Variants in ARNT2 observed in about 807,000 individuals in gnomAD.
ARNT2 encodes ARNT protein 2.
In ARNT2, 36 loss-of-function variants were observed where a neutral mutation model predicts 91.7. The ratio of observed to expected loss-of-function variants is 0.39; its 90% CI spans 0.30 to 0.52. The LOEUF (loss-of-function observed/expected upper bound fraction) is 0.52. Among genes scored for constraint, ARNT2 ranks in the 20% least tolerant of loss-of-function variants. The pLI is 0.72. For missense variants in ARNT2, 775 were observed against 939.3 expected (o/e 0.83, Z 2.29); for synonymous variants, 365 against 347.1 (o/e 1.05, Z -0.57).
At chr15:80,525,780 G>A (rs1897630667) in intron 8 of ARNT2, among the ~76,000 whole-genome samples, 1 of 152,182 alleles carries the variant, frequency 6.6e-6, no homozygotes, top group South Asian at 2.1e-4. Flanking sequence ...TAGAATTAGA[G>A]CATTGAAGCA....
intron 5 of ARNT2, among the ~76,000 whole-genome samples, chr15:80,500,940 T>C (rs527563900): frequency 4.1e-4 from 62 of 152,362 alleles, no homozygotes; most frequent in African/African-American, 1.4e-3. Flanking sequence ...GTTATGCTTT[T>C]CAACTGTCTT....
intron 15 of ARNT2, 34 bp from the exon 16 acceptor site, chr15:80,580,377 G>A (rs200622367): frequency 1.4e-5 from 22 of 1,613,056 alleles, no homozygotes; most frequent in Non-Finnish European, 1.7e-5. Flanking sequence ...AACCAGGTGT[G>A]TCCTCGGGAT....
intron 8 of ARNT2, among the ~76,000 whole-genome samples, chr15:80,527,083 G>A (rs7162181): frequency 0.5 from 75,897 of 151,982 alleles, 20,387 homozygotes; most frequent in African/African-American, 0.7. Flanking sequence ...GAGATGGAGA[G>A]TGATGATTGG....
intron 5 of ARNT2, among the ~76,000 whole-genome samples, chr15:80,479,905 C>A (rs988356551): frequency 6.6e-6 from 1 of 152,034 alleles, no homozygotes; most frequent in Non-Finnish European, 1.5e-5. Context: ...AGAGAAGATT[C>A]CCTCTTGGAG....
intron 11 of ARNT2, among the ~76,000 whole-genome samples, chr15:80,558,332 GCTT>G (rs1369784227): frequency 7.5e-6 from 1 of 133,548 alleles, no homozygotes; most frequent in African/African-American, 2.9e-5. Flanking sequence ...TTACGTCTGT[GCTT>G]TTTTTTTTTT....
chr15:80,480,064 C>T (rs528878622), intron 5 of ARNT2, among the ~76,000 whole-genome samples: 8 of 152,192 alleles, frequency 5.3e-5, no homozygotes, highest in African/African-American at 1.4e-4. Flanking sequence ...GCCTTTTCCT[C>T]TCACCAGGAA....
chr15:80,575,084 C>T lies in ARNT2; in HGVS notation c.1487C>T (p.Ala496Val). 1.2e-6 allele frequency: 2 copies of T among 1,614,176 alleles called. No individual in the cohort carries two copies. Among genetic ancestry groups the T allele is most frequent in the Non-Finnish European group, 8.5e-7 (1 of 1,180,026 alleles). The change falls in exon 14 of 19, where the codon GCT (alanine) becomes GTT (valine). Residue 496 changes from alanine (A) to valine (V), a missense_variant. Coordinates refer to ENST00000303329, the MANE Select transcript of ARNT2 (RefSeq NM_014862.4). ...IFSQERDPRF[A>V]EMFAGISASE... ...TCCCAGGAAAGAGATCCTCGGTTTG[C>T]TGAAATGTTTGCAGGAATTAGTGCA...
At chr15:80,462,481 A>C (rs1044319666) in intron 3 of ARNT2, among the ~76,000 whole-genome samples, 1 of 152,248 alleles carries the variant, frequency 6.6e-6, no homozygotes, top group African/African-American at 2.4e-5. Flanking sequence ...ACAAGCATGC[A>C]GTCCTCAAAC....
intron 8 of ARNT2, among the ~76,000 whole-genome samples, chr15:80,534,903 CT>C (rs1397421748): frequency 6.6e-6 from 1 of 152,196 alleles, no homozygotes; most frequent in Non-Finnish European, 1.5e-5. Flanking sequence ...CCTACTGTAC[CT>C]GAACCCAGGT....
chr15:80,568,815 T>C, intron 12 of ARNT2, among the ~76,000 whole-genome samples: 1 of 152,240 alleles, frequency 6.6e-6, no homozygotes, highest in East Asian at 1.9e-4. Context: ...CTTGCCTCAG[T>C]TGAGGCCTTT....
chr15:80,419,929 A>G (rs1895838029), intron 1 of ARNT2, among the ~76,000 whole-genome samples: 2 of 152,170 alleles, frequency 1.3e-5, no homozygotes, highest in South Asian at 4.1e-4. Context: ...TAAGGGGTGG[A>G]GCCTGAAGAG....
chr15:80,555,200 T>C, intron 11 of ARNT2, 61 bp downstream of exon 11: 1 of 1,560,564 alleles, frequency 6.4e-7, no homozygotes, highest in Non-Finnish European at 8.8e-7. Flanking sequence ...TGGATGTGGC[T>C]GGCAGGACAT....
chr15:80,565,942 A>G (rs528795338), intron 12 of ARNT2, among the ~76,000 whole-genome samples: 7 of 152,282 alleles, frequency 4.6e-5, no homozygotes, highest in Admixed American at 1.3e-4. Context: ...CCAACTGGGC[A>G]AGTCACCTAC....
In ARNT2 at chr15:80,538,142, T is replaced by C. The variant is rs375337889; in HGVS notation, c.878-13057T>C. Reference sequence around the variant, plus strand: ...AAGAAGTCATGAAATTTTATAATATTTAAATATATGAAGCAAAACTATTAG... The same window carrying C: ...AAGAAGTCATGAAATTTTATAATATCTAAATATATGAAGCAAAACTATTAG... On this transcript the variant is annotated intron_variant, in intron 8 of 18. Transcript: ENST00000303329. 2.6e-5 allele frequency among the ~76,000 whole-genome samples: 4 copies of C among 152,304 alleles called. No individual in the cohort carries two copies. In the South Asian group the frequency reaches 6.2e-4, roughly 24 times the overall value.
intron 1 of ARNT2, among the ~76,000 whole-genome samples, chr15:80,449,302 T>C (rs1434464161): frequency 6.6e-6 from 1 of 152,220 alleles, no homozygotes; most frequent in Non-Finnish European, 1.5e-5. Flanking sequence ...TGACTTTCAT[T>C]GTCATCTGTC....
At chr15:80,470,677 A>G (rs1896720347) in intron 4 of ARNT2, among the ~76,000 whole-genome samples, 1 of 152,252 alleles carries the variant, frequency 6.6e-6, no homozygotes, top group African/African-American at 2.4e-5. Flanking sequence ...GCATTTGAAC[A>G]TCGTGCTCAG....
intron 1 of ARNT2, 90 bp from the exon 2 acceptor site, chr15:80,450,790 G>A (rs1896376783): frequency 7.0e-6 from 9 of 1,280,954 alleles, no homozygotes; most frequent in Admixed American, 5.0e-5. Flanking sequence ...CTCTGCGCAG[G>A]TGGTGCTTCT....
intron 17 of ARNT2, among the ~76,000 whole-genome samples, chr15:80,583,616 C>T (rs1039155380): frequency 2.6e-5 from 4 of 152,212 alleles, no homozygotes; most frequent in African/African-American, 9.7e-5. Flanking sequence ...AGCATTCATT[C>T]AGTGCTCACA....
chr15:80,414,194 G>A (rs1895743847), intron 1 of ARNT2, among the ~76,000 whole-genome samples: 1 of 152,230 alleles, frequency 6.6e-6, no homozygotes, highest in Non-Finnish European at 1.5e-5. Flanking sequence ...TCAACTGGGG[G>A]CATTTGCAAT....
Sources: allele counts gnomAD v4.1 joint callset (sites outside exome capture counted in the v4.1 genomes callset), GRCh38; gene constraint gnomAD v4.1.1; transcripts MANE v1.5; gene names NCBI Gene and HGNC (gene_info 2026-07-23, HGNC 2026-07-21).